The following ZNF385D variants were observed in gnomAD, a reference collection of about 807,000 sequenced individuals.
ZNF385D encodes zinc finger protein 659.
Under a neutral mutation model 35.8 loss-of-function variants are expected in ZNF385D, and 15 were observed. That is an observed-to-expected ratio of 0.42 (90% CI 0.28 to 0.64). The LOEUF is 0.64. ZNF385D is among the 30% of genes least tolerant of loss of function. The probability of loss-of-function intolerance (pLI) is 0.23; values close to 1 mark genes in which losing one functional copy is unlikely to be tolerated. For missense variants in ZNF385D, 474 were observed against 494.6 expected (o/e 0.96, Z 0.39); for synonymous variants, 212 against 186.8 (o/e 1.13, Z -1.10).
At chr3:22,342,701 G>T (rs1451362544) in intron 2 of ZNF385D, among the ~76,000 whole-genome samples, 1 of 152,172 alleles carries the variant, frequency 6.6e-6, no homozygotes, top group Non-Finnish European at 1.5e-5. Context: ...ACTCTCCAGG[G>T]TGATTTTCCA....
chr3:21,759,065 T>C (rs1458277948), intron 3 of ZNF385D, among the ~76,000 whole-genome samples: 1 of 148,280 alleles, frequency 6.7e-6, no homozygotes, highest in African/African-American at 2.5e-5. Flanking sequence ...CTTACCTCCC[T>C]GTTTTTCAAA....
At chr3:22,195,453 T>C (rs1489940409) in intron 2 of ZNF385D, among the ~76,000 whole-genome samples, 1 of 152,002 alleles carries the variant, frequency 6.6e-6, no homozygotes, top group Non-Finnish European at 1.5e-5. Flanking sequence ...TTAATTCTTT[T>C]CTTTAATATA....
intron 3 of ZNF385D, among the ~76,000 whole-genome samples, chr3:21,789,115 G>C (rs1237098797): frequency 6.6e-6 from 1 of 152,158 alleles, no homozygotes; most frequent in East Asian, 1.9e-4. Flanking sequence ...TAAAGCAAAA[G>C]TAATTGTAGG....
chr3:22,005,616 A>G (rs1479526902), intron 3 of ZNF385D, among the ~76,000 whole-genome samples: 1 of 152,136 alleles, frequency 6.6e-6, no homozygotes, highest in Non-Finnish European at 1.5e-5. Flanking sequence ...ATGTATAATT[A>G]TTATATATCA....
chr3:21,859,606 A>C (rs1696931633), intron 3 of ZNF385D, among the ~76,000 whole-genome samples: 2 of 151,846 alleles, frequency 1.3e-5, no homozygotes, highest in African/African-American at 4.8e-5. Flanking sequence ...AGCTGCCTGC[A>C]GACCTCTCCT....
At chr3:22,273,690 C>T (rs774633138) in intron 2 of ZNF385D, among the ~76,000 whole-genome samples, 3 of 151,960 alleles carry the variant, frequency 2.0e-5, no homozygotes, top group Non-Finnish European at 4.4e-5. Flanking sequence ...GAGAACGAGA[C>T]AGATGTTACA....
chr3:21,707,837 G>T (rs971961479), intron 1 of ZNF385D, among the ~76,000 whole-genome samples: 2 of 152,140 alleles, frequency 1.3e-5, no homozygotes, highest in Non-Finnish European at 2.9e-5. Flanking sequence ...GAAGATGAAA[G>T]ATCTGTTCTT....
intron 3 of ZNF385D, among the ~76,000 whole-genome samples, chr3:21,875,742 C>A (rs911820600): frequency 1.3e-5 from 2 of 152,078 alleles, no homozygotes; most frequent in East Asian, 1.9e-4. Flanking sequence ...CAAGTAGTGG[C>A]AGCCGTGTCA....
At chr3:21,529,002 A>G (rs2061855929) in intron 3 of ZNF385D, among the ~76,000 whole-genome samples, 1 of 152,222 alleles carries the variant, frequency 6.6e-6, no homozygotes, top group Admixed American at 6.5e-5. Flanking sequence ...ACTAGAGTAA[A>G]GTAATACCTA....
intron 1 of ZNF385D, among the ~76,000 whole-genome samples, chr3:21,732,026 CGGGGTTTTTTTTTTTTTTTTTTTT>C (rs2069023955): frequency 4.1e-5 from 1 of 24,122 alleles, no homozygotes; most frequent in Non-Finnish European, 6.8e-5. Flanking sequence ...TTTCTTTTTT[CGGGGTTTTTTTTTTTTTTTTTTTT>C]TTTTTTTTTT....
intron 3 of ZNF385D, among the ~76,000 whole-genome samples, chr3:22,085,926 T>C (rs952270252): frequency 2.0e-5 from 3 of 152,068 alleles, no homozygotes; most frequent in Non-Finnish European, 4.4e-5. Flanking sequence ...ATGAAATCCA[T>C]CACATAAACA....
intron 3 of ZNF385D, among the ~76,000 whole-genome samples, chr3:22,162,700 T>A (rs1706042604): frequency 6.6e-6 from 1 of 152,156 alleles, no homozygotes; most frequent in Non-Finnish European, 1.5e-5. Flanking sequence ...CCATTTGGCC[T>A]CTCCTTTGAG....
intron 3 of ZNF385D, among the ~76,000 whole-genome samples, chr3:22,135,371 G>A (rs565069954): frequency 1.7e-4 from 26 of 151,896 alleles, no homozygotes; most frequent in African/African-American, 6.3e-4. Flanking sequence ...TTGTATACAA[G>A]CAATAATAAT....
At chr3:22,258,235 T>C (rs1700416023) in intron 2 of ZNF385D, among the ~76,000 whole-genome samples, 1 of 151,722 alleles carries the variant, frequency 6.6e-6, no homozygotes, top group Admixed American at 6.6e-5. Context: ...TCTAATACTG[T>C]GAAGAAGCTT....
intron 4 of ZNF385D, among the ~76,000 whole-genome samples, chr3:21,443,950 A>C (rs776024878): frequency 2.6e-5 from 4 of 152,224 alleles, no homozygotes; most frequent in African/African-American, 4.8e-5. Context: ...ATTCATATAC[A>C]TAATGGTTAC....
intron 3 of ZNF385D, among the ~76,000 whole-genome samples, chr3:22,100,051 G>A (rs992487065): frequency 1.6e-4 from 24 of 151,022 alleles, no homozygotes; most frequent in African/African-American, 2.2e-4. Flanking sequence ...TCAAAAGAAG[G>A]CATTTATGCA....
upstream of ZNF385D, among the ~76,000 whole-genome samples, chr3:21,752,021 C>A (rs2070125600): frequency 1.6e-5 from 2 of 128,956 alleles, no homozygotes; most frequent in Non-Finnish European, 1.6e-5. Flanking sequence ...CCCTCCCCCC[C>A]CCACCACACA....
At chr3:21,961,270 G>A (rs1447322221) in intron 3 of ZNF385D, 1 of 152,050 alleles carries the variant, frequency 6.6e-6, no homozygotes, top group South Asian at 2.1e-4. Context: ...CTTGGTATTT[G>A]GATATTAAAT....
intron 3 of ZNF385D, among the ~76,000 whole-genome samples, chr3:22,037,763 T>A (rs1698429075): frequency 6.6e-6 from 1 of 152,156 alleles, no homozygotes; most frequent in South Asian, 2.1e-4. Flanking sequence ...TTTTGGTGTT[T>A]TAGACATGAA....
Sources: gnomAD v4.1 joint callset for allele counts (sites outside exome capture counted in the v4.1 genomes callset) on GRCh38, gnomAD v4.1.1 for gene constraint, MANE v1.5 for transcripts, NCBI Gene and HGNC (gene_info 2026-07-23, HGNC 2026-07-21) for gene names.